Variants in SLC35F1 observed in about 807,000 individuals in gnomAD.
The protein encoded by SLC35F1 is solute carrier family 35 member F1, also known as chromosome 6 open reading frame 169.
Under a neutral mutation model 48.7 loss-of-function variants are expected in SLC35F1, and 14 were observed. The observed-to-expected ratio is 0.29, with a 90% CI of 0.19 to 0.45. SLC35F1 has a LOEUF of 0.45. SLC35F1 is among the 20% of genes least tolerant of loss of function. SLC35F1 has a pLI of 1.00. For missense variants in SLC35F1, 404 were observed against 500.0 expected (o/e 0.81, Z 1.83); for synonymous variants, 190 against 202.2 (o/e 0.94, Z 0.51).
intron 1 of SLC35F1, among the ~76,000 whole-genome samples, chr6:118,110,488 C>T (rs767653329): frequency 6.6e-6 from 1 of 152,022 alleles, no homozygotes; most frequent in Non-Finnish European, 1.5e-5. Flanking sequence ...GTTTTATTTC[C>T]AGGAGCTCTA....
chr6:118,270,774 T>C (rs1463006941), intron 4 of SLC35F1, among the ~76,000 whole-genome samples: 1 of 152,212 alleles, frequency 6.6e-6, no homozygotes, highest in Non-Finnish European at 1.5e-5. Context: ...ATAACTATTA[T>C]AGATGTGTTG....
At chr6:117,914,435 A>G (rs1362603701) in intron 1 of SLC35F1, among the ~76,000 whole-genome samples, 1 of 152,172 alleles carries the variant, frequency 6.6e-6, no homozygotes, top group East Asian at 1.9e-4. Flanking sequence ...CAGGGCTACA[A>G]TTTGTGATCA....
chr6:117,923,898 A>T (rs1336766356), intron 1 of SLC35F1, among the ~76,000 whole-genome samples: 1 of 149,584 alleles, frequency 6.7e-6, no homozygotes, highest in Non-Finnish European at 1.5e-5. Context: ...ACATATACAC[A>T]TATATGTGTG....
chr6:117,926,861 G>C (rs779506043), intron 1 of SLC35F1, among the ~76,000 whole-genome samples: 1 of 152,134 alleles, frequency 6.6e-6, no homozygotes, highest in Admixed American at 6.6e-5. Context: ...ATTTGAGTAG[G>C]GGAGCCCAGG....
At chr6:118,000,263 G>A (rs574279763) in intron 1 of SLC35F1, among the ~76,000 whole-genome samples, 70 of 152,284 alleles carry the variant, frequency 4.6e-4, no homozygotes, top group African/African-American at 1.6e-3. Flanking sequence ...GATCAAGGGG[G>A]CTTCATCCCT....
chr6:118,108,258 A>G (rs567729777), intron 1 of SLC35F1, among the ~76,000 whole-genome samples: 2 of 152,244 alleles, frequency 1.3e-5, no homozygotes, highest in East Asian at 3.9e-4. Context: ...CAGGTTTGCT[A>G]GTTCTATAAT....
intron 2 of SLC35F1, among the ~76,000 whole-genome samples, chr6:118,184,442 A>G (rs183936542): frequency 1.3e-5 from 2 of 152,340 alleles, no homozygotes; most frequent in Admixed American, 1.3e-4. Context: ...CCTCAGGACC[A>G]AGATACCATC....
intron 1 of SLC35F1, among the ~76,000 whole-genome samples, chr6:117,936,726 A>C (rs571041982): frequency 6.6e-6 from 1 of 152,258 alleles, no homozygotes; most frequent in South Asian, 2.1e-4. Flanking sequence ...CTACTATTTT[A>C]ATTAGAAAAA....
intron 1 of SLC35F1, among the ~76,000 whole-genome samples, chr6:117,987,898 GA>G (rs1345404734): frequency 6.6e-6 from 1 of 152,176 alleles, no homozygotes; most frequent in Non-Finnish European, 1.5e-5. Flanking sequence ...TCCAGGCAGT[GA>G]ACTTTCAAAG....
At chr6:118,035,724 C>G (rs1271849327) in intron 1 of SLC35F1, among the ~76,000 whole-genome samples, 1 of 119,534 alleles carries the variant, frequency 8.4e-6, no homozygotes, top group Admixed American at 1.1e-4. Context: ...GAGTCTCGCT[C>G]TGTCACCCAG....
chr6:118,198,370 T>G (rs373884395), intron 2 of SLC35F1, among the ~76,000 whole-genome samples: 16 of 152,278 alleles, frequency 1.1e-4, no homozygotes, highest in African/African-American at 3.9e-4. Flanking sequence ...ATAAAAGTGT[T>G]TCAAACTGAA....
chr6:118,162,261 G>A (rs1335960536), intron 2 of SLC35F1, among the ~76,000 whole-genome samples: 4 of 152,176 alleles, frequency 2.6e-5, no homozygotes, highest in Middle Eastern at 3.2e-3. Flanking sequence ...GAATCCAGAC[G>A]TGAAAGTTTA....
intron 2 of SLC35F1, among the ~76,000 whole-genome samples, chr6:118,182,517 AGAGAAGGAAG>A (rs1402876710): frequency 5.9e-5 from 8 of 134,902 alleles, no homozygotes; most frequent in Non-Finnish European, 1.1e-4. Context: ...AGAGAGAGAG[AGAGAAGGAAG>A]GAAGGAAGGA....
chr6:118,129,619 G>T (rs912897116), intron 1 of SLC35F1, among the ~76,000 whole-genome samples: 10 of 152,116 alleles, frequency 6.6e-5, no homozygotes, highest in African/African-American at 1.9e-4. Flanking sequence ...GTAATGGGTA[G>T]ATTCGAGGGA....
At chr6:117,928,857 C>T (rs180765887) in intron 1 of SLC35F1, among the ~76,000 whole-genome samples, 6 of 152,192 alleles carry the variant, frequency 3.9e-5, no homozygotes, top group Admixed American at 6.5e-5. Context: ...TAGGTAGTTA[C>T]GGTGATTGTG....
intron 1 of SLC35F1, among the ~76,000 whole-genome samples, chr6:117,911,957 T>A (rs1203240384): frequency 6.6e-6 from 1 of 152,236 alleles, no homozygotes; most frequent in Non-Finnish European, 1.5e-5. Context: ...CTTAATGAAA[T>A]GTTTTTGAGA....
intron 1 of SLC35F1, among the ~76,000 whole-genome samples, chr6:118,140,267 T>C (rs935820009): frequency 2.0e-5 from 3 of 152,192 alleles, no homozygotes; most frequent in African/African-American, 7.2e-5. Context: ...TAACAGCATA[T>C]AGTCATAGGC....
chr6:118,223,509 G>C (rs1238546043), intron 2 of SLC35F1, among the ~76,000 whole-genome samples: 1 of 152,176 alleles, frequency 6.6e-6, no homozygotes, highest in Non-Finnish European at 1.5e-5. Context: ...CTGGCTCCAT[G>C]CTCTTAACCT....
At chr6:118,225,863 G>A (rs9489322) in intron 2 of SLC35F1, among the ~76,000 whole-genome samples, 4,830 of 114,232 alleles carry the variant, frequency 0.042, 233 homozygotes, top group African/African-American at 0.13. Context: ...CTGACAGAGC[G>A]AGACTTTGTC....
Sources: gnomAD v4.1 joint callset for allele counts (sites outside exome capture counted in the v4.1 genomes callset) on GRCh38, gnomAD v4.1.1 for gene constraint, MANE v1.5 for transcripts, NCBI Gene and HGNC (gene_info 2026-07-23, HGNC 2026-07-21) for gene names.